Variants in ALDH8A1 observed in about 807,000 individuals in gnomAD.
ALDH8A1 encodes aldehyde dehydrogenase 8 family member A1.
A neutral mutation model predicts 43.3 loss-of-function variants in ALDH8A1; 39 were observed. The ratio of observed to expected loss-of-function variants is 0.90; its 90% CI spans 0.70 to 1.18. The LOEUF (loss-of-function observed/expected upper bound fraction) is 1.18. Among genes scored for constraint, ALDH8A1 ranks in the 50% most tolerant of loss-of-function variants. ALDH8A1 has a pLI of 0.00. For missense variants in ALDH8A1, 605 were observed against 622.6 expected (o/e 0.97, Z 0.30); for synonymous variants, 233 against 243.5 (o/e 0.96, Z 0.40).
chr6:134,949,662 CA>C lies in ALDH8A1; in HGVS notation c.138+253del, dbSNP rs372810908. Reference sequence around the variant, plus strand: ...CTGATTAGGAAATGTTTGAGAATTGCAAAAAAAAACTGCACACAGGGCTGTG... The same window carrying C: ...CTGATTAGGAAATGTTTGAGAATTGCAAAAAAAACTGCACACAGGGCTGTG... On this transcript the variant is annotated intron_variant, in intron 1 of 6. Transcript: ENST00000265605. Among the ~76,000 whole-genome samples the C allele has an allele frequency of 4.2e-3, 620 of 148,934 alleles. 4 individuals carry two copies. The highest frequency in any genetic ancestry group is 0.015 in the African/African-American group (592 of 40,678).
chr6:134,946,340 C>T (rs903335983), intron 1 of ALDH8A1, among the ~76,000 whole-genome samples: 2 of 152,158 alleles, frequency 1.3e-5, no homozygotes, highest in African/African-American at 2.4e-5. Flanking sequence ...CACTGCCAGC[C>T]AGCAAGAGGA....
chr6:134,927,532 C>G (rs529638313), intron 6 of ALDH8A1, among the ~76,000 whole-genome samples: 101 of 152,128 alleles, frequency 6.6e-4, no homozygotes, highest in African/African-American at 1.8e-3. Context: ...CACACACACA[C>G]AGAGAGAGAT....
At chr6:134,929,820 T>C (rs1388065775) in intron 5 of ALDH8A1, among the ~76,000 whole-genome samples, 2 of 151,770 alleles carry the variant, frequency 1.3e-5, no homozygotes, top group Non-Finnish European at 2.9e-5. Context: ...CATGAAAAAA[T>C]AAGGGAAGGT....
chr6:134,924,435 A>G (rs956516683), intron 6 of ALDH8A1, among the ~76,000 whole-genome samples: 1 of 152,190 alleles, frequency 6.6e-6, no homozygotes, highest in African/African-American at 2.4e-5. Flanking sequence ...CCTCCATTTA[A>G]TAATAAATCA....
At chr6:134,941,080 C>T (rs1773844592) in intron 3 of ALDH8A1, among the ~76,000 whole-genome samples, 1 of 152,130 alleles carries the variant, frequency 6.6e-6, no homozygotes, top group African/African-American at 2.4e-5. Context: ...TACGTTCTTC[C>T]AAAGGTCAAG....
chr6:134,941,875 TTACA>T (rs977197058), intron 3 of ALDH8A1, among the ~76,000 whole-genome samples: 1 of 152,090 alleles, frequency 6.6e-6, no homozygotes, highest in Non-Finnish European at 1.5e-5. Context: ...GCATGTGAAT[TTACA>T]TATTTACTCT....
intron 3 of ALDH8A1, among the ~76,000 whole-genome samples, chr6:134,941,638 T>G (rs1468962510): frequency 6.6e-6 from 1 of 151,920 alleles, no homozygotes; most frequent in Non-Finnish European, 1.5e-5. Flanking sequence ...GATCCGCCAA[T>G]CTTGGCCTCC....
chr6:134,946,416 C>T (rs1562261443), intron 1 of ALDH8A1, among the ~76,000 whole-genome samples: 1 of 152,170 alleles, frequency 6.6e-6, no homozygotes, highest in East Asian at 1.9e-4. Context: ...CAAGTCCACT[C>T]ATATTTTCTA....
chr6:134,946,035 T>C (rs1477431524), intron 1 of ALDH8A1, among the ~76,000 whole-genome samples: 1 of 152,204 alleles, frequency 6.6e-6, no homozygotes, highest in Non-Finnish European at 1.5e-5. Context: ...TCAGCCATGA[T>C]TGTAAGTTTC....
chr6:134,935,081 C>T (rs998613679), intron 4 of ALDH8A1, among the ~76,000 whole-genome samples: 2 of 152,278 alleles, frequency 1.3e-5, no homozygotes, highest in South Asian at 4.1e-4. Context: ...ACTTGTTCTC[C>T]GCTTTGGGCA....
rs749408208 is a variant in ALDH8A1 at position 134,918,871 on chromosome 6, C to T, written c.1012-4G>A. On this transcript the variant is annotated splice_polypyrimidine_tract_variant and splice_region_variant and intron_variant, in intron 6 of 6. Transcript: ENST00000265605. ...CTCTCTTGACGTAACTTCTGACCTG[C>T]GTGGGTAAAAATCATAATTAGCAAT... The T allele has an allele frequency of 9.3e-6, 15 of 1,611,054 alleles. No homozygotes were observed. Among genetic ancestry groups the T allele is most frequent in the East Asian group, 4.5e-5 (2 of 44,822 alleles).
chr6:134,939,857 T>C (rs761868417), intron 3 of ALDH8A1, among the ~76,000 whole-genome samples: 4 of 152,198 alleles, frequency 2.6e-5, no homozygotes, highest in Non-Finnish European at 5.9e-5. Flanking sequence ...GATAAGAATA[T>C]GTGGTACATA....
chr6:134,920,651 G>T (rs1225613427), intron 6 of ALDH8A1, among the ~76,000 whole-genome samples: 1 of 152,120 alleles, frequency 6.6e-6, no homozygotes, highest in Non-Finnish European at 1.5e-5. Context: ...TATATAAGGT[G>T]ACTCACACTA....
At position 134,918,531 on chromosome 6, in the gene ALDH8A1, T is replaced by G. The variant is rs779885024; in HGVS notation, c.1348A>C (p.Ile450Leu). The G allele has an allele frequency of 6.2e-7, 1 of 1,614,092 alleles. No homozygotes were observed. Among genetic ancestry groups the G allele is most frequent in the Admixed American group, 1.7e-5 (1 of 60,008 alleles). The part of the protein sequence containing the change: ...SGLVWTNCWL[I>L]RELNLPFGGM... ...CCGAAAGGAAGGTTCAGCTCCCTGA[T>G]GAGCCAGCAGTTGGTCCAGACCAAG... The change falls in exon 7 of 7, where the codon ATC becomes CTC. Residue 450 changes from isoleucine (I) to leucine (L), a missense_variant. Coordinates refer to ENST00000265605, the MANE Select transcript of ALDH8A1 (RefSeq NM_022568.4).
chr6:134,933,067 C>T, intron 4 of ALDH8A1, 35 bp from the exon 5 acceptor site: 5 of 1,509,788 alleles, frequency 3.3e-6, no homozygotes, highest in East Asian at 4.6e-5. Flanking sequence ...TAGTAATTCT[C>T]AGTATGTTGA....
chr6:134,928,915 C>T, intron 6 of ALDH8A1, 139 bp downstream of exon 6: 1 of 860,410 alleles, frequency 1.2e-6, no homozygotes, highest in Non-Finnish European at 1.7e-6. Flanking sequence ...TCTGTGTCCA[C>T]AATTTCTCCC....
At chr6:134,931,032 T>C (rs1286380246) in intron 5 of ALDH8A1, among the ~76,000 whole-genome samples, 1 of 152,206 alleles carries the variant, frequency 6.6e-6, no homozygotes, top group Non-Finnish European at 1.5e-5. Context: ...GGAAGAAATA[T>C]GCACGACACG....
At chr6:134,924,867 C>A (rs1776859139) in intron 6 of ALDH8A1, among the ~76,000 whole-genome samples, 1 of 152,068 alleles carries the variant, frequency 6.6e-6, no homozygotes, top group Non-Finnish European at 1.5e-5. Context: ...CTAGGAATCA[C>A]CAAAACACAA....
At chr6:134,938,105 C>T (rs1169490165) in intron 4 of ALDH8A1, among the ~76,000 whole-genome samples, 1 of 152,188 alleles carries the variant, frequency 6.6e-6, no homozygotes, top group African/African-American at 2.4e-5. Context: ...GGACTCTTAC[C>T]CACCGGGCAT....
Sources: allele counts gnomAD v4.1 joint callset (sites outside exome capture counted in the v4.1 genomes callset), GRCh38; gene constraint gnomAD v4.1.1; transcripts MANE v1.5; gene names NCBI Gene and HGNC (gene_info 2026-07-23, HGNC 2026-07-21).